WDR82: variants seen among roughly 807,000 people sequenced by gnomAD.
The protein encoded by WDR82 is WD repeat domain 82, also known as WD repeat-containing protein 82.
In WDR82, 8 loss-of-function variants were observed where a neutral mutation model predicts 36.1. That is an observed-to-expected ratio of 0.22 (90% CI 0.13 to 0.40). WDR82 has a LOEUF of 0.40. Among genes scored for constraint, WDR82 ranks in the 10% least tolerant of loss-of-function variants. The probability of loss-of-function intolerance (pLI) is 1.00; values close to 1 mark genes in which losing one functional copy is unlikely to be tolerated. For synonymous variants in WDR82, 129 were observed against 137.8 expected, an observed-to-expected ratio of 0.94 and a Z score of 0.45; for missense variants, 185 against 400.5, an observed-to-expected ratio of 0.46 and a Z score of 4.59.
chr3:52,278,475 C>G lies in WDR82; in HGVS notation c.-114G>C. On this transcript the variant is annotated 5_prime_UTR_variant, in exon 1 of 9. Coordinates refer to ENST00000296490, the MANE Select transcript of WDR82 (RefSeq NM_025222.4). ...GGGCGGGCGCCGCGCCGGCGGCTAG[C>G]GGGAAGTCGGCCAACAGTTGGGCCG... 1.0e-6 allele frequency: 1 copy of G among 999,220 alleles called. No individual in the cohort carries two copies. The allele number at this position is 999,220 out of a possible 1,614,324, so 61.9% of individuals were successfully genotyped here. A position where few individuals can be genotyped will look rare whatever the true frequency, so the allele number is the denominator to read the frequency against.
intron 1 of WDR82, among the ~76,000 whole-genome samples, chr3:52,274,359 G>C (rs1054518909): frequency 6.6e-6 from 1 of 151,936 alleles, no homozygotes; most frequent in Non-Finnish European, 1.5e-5. Flanking sequence ...CTTGAGTTCA[G>C]GAGTTTGAGA....
chr3:52,263,063 G>C (rs927279442), intron 3 of WDR82, among the ~76,000 whole-genome samples: 1 of 152,222 alleles, frequency 6.6e-6, no homozygotes, highest in Non-Finnish European at 1.5e-5. Context: ...CAGAGATGGA[G>C]GCTGCAGTGA....
chr3:52,261,795 G>A (rs1358789958), intron 3 of WDR82, among the ~76,000 whole-genome samples: 28 of 152,166 alleles, frequency 1.8e-4, no homozygotes, highest in Admixed American at 1.8e-3. Flanking sequence ...AGGATGCAGA[G>A]AAATTGGAAC....
intron 7 of WDR82, among the ~76,000 whole-genome samples, chr3:52,258,918 GC>G (rs1444474124): frequency 6.6e-6 from 1 of 152,134 alleles, no homozygotes; most frequent in Non-Finnish European, 1.5e-5. Flanking sequence ...TAAAAAAGGG[GC>G]CGAATACCAT....
chr3:52,272,542 TC>T (rs1174354463), intron 1 of WDR82, among the ~76,000 whole-genome samples: 1 of 96,210 alleles, frequency 1.0e-5, no homozygotes. Flanking sequence ...AGACTCCATC[TC>T]AAAAAAAAAA....
At chr3:52,274,768 G>A (rs1415525545) in intron 1 of WDR82, among the ~76,000 whole-genome samples, 2 of 152,048 alleles carry the variant, frequency 1.3e-5, no homozygotes, top group Non-Finnish European at 2.9e-5. Context: ...CAGGCACACT[G>A]ATGGGTGCCT....
chr3:52,259,696 G>C (rs1700043774), intron 6 of WDR82, 21 bp downstream of exon 6: 2 of 1,602,952 alleles, frequency 1.2e-6, no homozygotes. Context: ...AAACAGCCAT[G>C]CTTGAAGGCT....
At position 52,259,600 on chromosome 3, in the gene WDR82, G is replaced by A. The variant is rs147226656; in HGVS notation, c.699+117C>T. 1.3e-4 allele frequency: 162 copies of A among 1,250,776 alleles called. 1 individual carries two copies. The African/African-American group carries it at 2.2e-3, about 17-fold the overall frequency. The allele number at this position is 1,250,776 out of a possible 1,614,324, so 77.5% of individuals were successfully genotyped here. A position where few individuals can be genotyped will look rare whatever the true frequency, so the allele number is the denominator to read the frequency against. ...TCATGAGCAGGAAGAAAATACAAGTGCATGCCTTCATGAGTAAGTCAAGAG... is the reference window on the plus strand; with the variant it reads ...TCATGAGCAGGAAGAAAATACAAGTACATGCCTTCATGAGTAAGTCAAGAG... On this transcript the variant is annotated intron_variant, in intron 6 of 8. Coordinates refer to ENST00000296490, the MANE Select transcript of WDR82 (RefSeq NM_025222.4).
At position 52,278,333 on chromosome 3, in the gene WDR82, C is replaced by T; in HGVS notation, c.29G>A (p.Ser10Asn). ...GCGGAACACCTTAGCGACGCGGAAG[C>T]TCCGCAACACGCTGTCGGTCAGCTT... MKLTDSVLR[S>N]FRVAKVFREN... Residue 10 changes from serine to asparagine, a missense_variant, in exon 1 of 9, where the codon AGC becomes AAC. This residue lies in a region of WDR82 where 49 missense variants were observed against 80.6 expected (regional missense o/e 0.61). Transcript: ENST00000296490. The T allele has an allele frequency of 6.3e-7, 1 of 1,592,224 alleles. No homozygotes were observed. The highest frequency in any genetic ancestry group is 8.5e-7 in the Non-Finnish European group (1 of 1,171,646).
At chr3:52,273,574 T>C (rs916741442) in intron 1 of WDR82, among the ~76,000 whole-genome samples, 2 of 152,214 alleles carry the variant, frequency 1.3e-5, no homozygotes, top group African/African-American at 4.8e-5. Context: ...AGATTTTTTT[T>C]CCTGATAACA....
intron 7 of WDR82, 42 bp from the exon 8 acceptor site, chr3:52,258,720 A>G (rs1378481158): frequency 1.9e-6 from 3 of 1,612,650 alleles, no homozygotes; most frequent in Non-Finnish European, 8.5e-7. Flanking sequence ...CTCAAGGCGC[A>G]ATACAAAGAC....
Position 52,255,208 on chromosome 3 carries a change from C to G in WDR82, c.*2282G>C, listed in dbSNP as rs1699994970. Reference sequence around the variant, plus strand: ...CCGCCCGCCTCGGCCTCCCAAAGTGCTGGGATTACAGGTGTGAGCCACCGC... The same window carrying G: ...CCGCCCGCCTCGGCCTCCCAAAGTGGTGGGATTACAGGTGTGAGCCACCGC... On this transcript the variant is annotated 3_prime_UTR_variant, in exon 9 of 9. Coordinates refer to ENST00000296490, the MANE Select transcript of WDR82 (RefSeq NM_025222.4). 6.6e-6 allele frequency: 1 copy of G among 152,222 alleles called. No homozygotes were observed. Among genetic ancestry groups the G allele is most frequent in the East Asian group, 1.9e-4 (1 of 5,192 alleles). 9.4% of individuals were successfully genotyped at this position (152,222 alleles called of 1,614,324 possible).
In WDR82 at chr3:52,278,328, G is replaced by A; in HGVS notation, c.34C>T (p.Arg12Cys). 1.3e-6 allele frequency: 2 copies of A among 1,598,434 alleles called. No individual in the cohort carries two copies. Among genetic ancestry groups the A allele is most frequent in the East Asian group, 2.4e-5 (1 of 42,178 alleles). Residue 12 changes from arginine to cysteine, a missense_variant, in exon 1 of 9, where the codon CGC becomes TGC. Arg to Cys is a radical substitution (Grantham distance 180, BLOSUM62 -3). Coordinates refer to ENST00000296490, the MANE Select transcript of WDR82 (RefSeq NM_025222.4). ...TTTTCGCGGAACACCTTAGCGACGCGGAAGCTCCGCAACACGCTGTCGGTC... is the reference window on the plus strand; with the variant it reads ...TTTTCGCGGAACACCTTAGCGACGCAGAAGCTCCGCAACACGCTGTCGGTC... ...KLTDSVLRSF[R>C]VAKVFRENSD...
At position 52,256,443 on chromosome 3, in the gene WDR82, G is replaced by A. The variant is rs369093746; in HGVS notation, c.*1047C>T. Reference sequence around the variant, plus strand: ...TAAAATACAAACAACAGAAATCAAAGGTCATATATAAAAACGCTAAATATG... The same window carrying A: ...TAAAATACAAACAACAGAAATCAAAAGTCATATATAAAAACGCTAAATATG... On this transcript the variant is annotated 3_prime_UTR_variant, in exon 9 of 9. Transcript: ENST00000296490. The A allele has an allele frequency of 1.6e-4, 24 of 153,668 alleles. No homozygotes were observed. The highest frequency in any genetic ancestry group is 2.1e-4 in the South Asian group (1 of 4,812). The allele number at this position is 153,668 out of a possible 1,614,324, so 9.5% of individuals were successfully genotyped here.
At chr3:52,263,854 C>A (rs576642380) in intron 3 of WDR82, among the ~76,000 whole-genome samples, 1 of 152,308 alleles carries the variant, frequency 6.6e-6, no homozygotes, top group African/African-American at 2.4e-5. Context: ...GAGACAGCTA[C>A]AAAGATGTGT....
rs770764160 is a variant in WDR82, at chr3:52,259,261, A to G, written c.705T>C (p.Tyr235=). ...CCAGTGTGACAGCTTTGCTGTTGGC[A>G]TAACCCTAAAACAAAACAGAGCAGT... The part of the protein sequence containing the change: ...KGVVMHTFGG[Y]ANSKAVTLEA... Residue 235 remains tyrosine (Y), a synonymous_variant, in exon 7 of 9, where the codon TAT becomes TAC. Transcript: ENST00000296490. The G allele has an allele frequency of 6.2e-7, 1 of 1,614,216 alleles. No homozygotes were observed. The highest frequency in any genetic ancestry group is 8.5e-7 in the Non-Finnish European group (1 of 1,180,024).
In WDR82 at chr3:52,257,492, A is replaced by G; in HGVS notation, c.940T>C (p.Ter314ArgextTer10). Residue 314 changes from the stop codon to arginine, a stop_lost, in exon 9 of 9, where the codon TGA becomes CGA. Coordinates refer to ENST00000296490, the MANE Select transcript of WDR82 (RefSeq NM_025222.4). ...MAFWLPTIDD* is the reference protein window; with the variant it reads ...MAFWLPTIDDR ...GAAATAGCCAAGCAGCAACAGGGTC[A>G]GTCATCAATGGTGGGCAACCAAAAG... 1 of 1,614,152 alleles carries G rather than the reference A, an allele frequency of 6.2e-7. No individual in the cohort carries two copies. The highest frequency in any genetic ancestry group is 8.5e-7 in the Non-Finnish European group (1 of 1,180,022).
intron 7 of WDR82, 141 bp from the exon 8 acceptor site, chr3:52,258,819 G>T: frequency 8.5e-7 from 1 of 1,177,054 alleles, no homozygotes; most frequent in Non-Finnish European, 1.2e-6. Context: ...AGGAGAGGCA[G>T]TGAAGGAAGG....
Position 52,278,415 on chromosome 3 carries a change from C to A in WDR82, c.-54G>T. On this transcript the variant is annotated 5_prime_UTR_variant, in exon 1 of 9. Transcript: ENST00000296490. ...GCAGGGCCGGGGCGGGGCCCGGCGG[C>A]GAGCGGGCGGGCTGCCGAGGGGCCA... 8.0e-7 allele frequency: 1 copy of A among 1,243,504 alleles called. No homozygotes were observed. The highest frequency in any genetic ancestry group is 1.0e-6 in the Non-Finnish European group (1 of 990,134). 77.0% of individuals were successfully genotyped at this position (1,243,504 alleles called of 1,614,324 possible). A position where few individuals can be genotyped will look rare whatever the true frequency, so the allele number is the denominator to read the frequency against.
Sources: allele counts gnomAD v4.1 joint callset (sites outside exome capture counted in the v4.1 genomes callset), GRCh38; gene constraint gnomAD v4.1.1; regional missense constraint gnomAD v4.1.1; transcripts MANE v1.5; gene names NCBI Gene and HGNC (gene_info 2026-07-23, HGNC 2026-07-21).